GRIK2: variants seen among roughly 807,000 people sequenced by gnomAD.
GRIK2 encodes glutamate ionotropic receptor kainate type subunit 2, also known as glutamate receptor ionotropic, kainate 2.
In GRIK2, 32 loss-of-function variants were observed where a neutral mutation model predicts 100.3. That is an observed-to-expected ratio of 0.32 (90% CI 0.24 to 0.43). GRIK2 has a LOEUF of 0.43. Among genes scored for constraint, GRIK2 ranks in the 20% least tolerant of loss-of-function variants. The probability of loss-of-function intolerance (pLI) is 1.00; values close to 1 mark genes in which losing one functional copy is unlikely to be tolerated. For synonymous variants in GRIK2, 417 were observed against 389.4 expected (o/e 1.07, Z -0.83); for missense variants, 843 against 1,114.9 (o/e 0.76, Z 3.47).
Position 101,978,701 on chromosome 6 carries a change from CAAT to C in GRIK2, c.2085+50070_2085+50072del, listed in dbSNP as rs567185927. 2.0e-3 allele frequency among the ~76,000 whole-genome samples: 305 copies of C among 151,956 alleles called. 3 individuals are homozygous for C. Among genetic ancestry groups the C allele is most frequent in the African/African-American group, 6.9e-3 (286 of 41,464 alleles). On this transcript the variant is annotated intron_variant, in intron 14 of 16. Coordinates refer to ENST00000369134, the MANE Select transcript of GRIK2 (RefSeq NM_021956.5). Reference sequence around the variant, plus strand: ...ATTATGAAAAAGTAGTTGAATTAAACAATGTCAGTGGGTTATAAATAATAATTG... The same window carrying C: ...ATTATGAAAAAGTAGTTGAATTAAACGTCAGTGGGTTATAAATAATAATTG...
intron 14 of GRIK2, among the ~76,000 whole-genome samples, chr6:101,979,469 G>A (rs918348710): frequency 6.6e-6 from 1 of 152,010 alleles, no homozygotes; most frequent in African/African-American, 2.4e-5. Flanking sequence ...AATGTTCACA[G>A]AAGAGATTGA....
intron 14 of GRIK2, among the ~76,000 whole-genome samples, chr6:102,030,887 T>G (rs1769949485): frequency 6.6e-6 from 1 of 151,086 alleles, no homozygotes; most frequent in South Asian, 2.1e-4. Flanking sequence ...TCTAACTTCA[T>G]ATTACAGATC....
chr6:101,844,111 T>G (rs1466903878), intron 10 of GRIK2, among the ~76,000 whole-genome samples: 1 of 152,096 alleles, frequency 6.6e-6, no homozygotes, highest in African/African-American at 2.4e-5. Context: ...AAAAAGAAAG[T>G]AAAGGCAGAC....
chr6:101,771,883 A>G (rs1583115796), intron 7 of GRIK2, among the ~76,000 whole-genome samples: 1 of 151,992 alleles, frequency 6.6e-6, no homozygotes, highest in African/African-American at 2.4e-5. Flanking sequence ...TTATGGCTGC[A>G]TAGTATTCCA....
chr6:101,498,598 T>C (rs1773578674), intron 2 of GRIK2, among the ~76,000 whole-genome samples: 1 of 151,128 alleles, frequency 6.6e-6, no homozygotes, highest in Non-Finnish European at 1.5e-5. Context: ...TGGTTTTGAT[T>C]TGCATTTCTC....
At chr6:101,686,854 T>G (rs1205686573) in intron 7 of GRIK2, among the ~76,000 whole-genome samples, 1 of 152,120 alleles carries the variant, frequency 6.6e-6, no homozygotes, top group Non-Finnish European at 1.5e-5. Flanking sequence ...AGTCCCAGTT[T>G]AAACCCAGAA....
At chr6:101,922,873 T>C (rs1031931548) in intron 12 of GRIK2, among the ~76,000 whole-genome samples, 1 of 152,226 alleles carries the variant, frequency 6.6e-6, no homozygotes, top group African/African-American at 2.4e-5. Flanking sequence ...CAACATTCTG[T>C]TACTTGGAAA....
At chr6:101,441,064 G>A (rs745601314) in intron 2 of GRIK2, among the ~76,000 whole-genome samples, 1 of 151,152 alleles carries the variant, frequency 6.6e-6, no homozygotes, top group Admixed American at 6.6e-5. Flanking sequence ...TGCAGCCTTG[G>A]TCTTCTGGGC....
chr6:101,822,757 A>G (rs1260070293), intron 10 of GRIK2, among the ~76,000 whole-genome samples: 1 of 151,628 alleles, frequency 6.6e-6, no homozygotes, highest in Non-Finnish European at 1.5e-5. Flanking sequence ...TCTTTTTTTT[A>G]GGTTAGAAAG....
At chr6:101,743,235 G>C (rs1776161248) in intron 7 of GRIK2, among the ~76,000 whole-genome samples, 1 of 152,006 alleles carries the variant, frequency 6.6e-6, no homozygotes, top group Admixed American at 6.5e-5. Context: ...TTAAACAATC[G>C]TTACCATGGT....
intron 12 of GRIK2, among the ~76,000 whole-genome samples, chr6:101,920,120 C>A (rs1040628346): frequency 6.6e-6 from 1 of 151,718 alleles, no homozygotes; most frequent in African/African-American, 2.4e-5. Context: ...GTGAAGAAAC[C>A]AGGCTGTGAT....
At chr6:101,617,572 T>G (rs1779951011) in intron 2 of GRIK2, among the ~76,000 whole-genome samples, 2 of 151,818 alleles carry the variant, frequency 1.3e-5, no homozygotes, top group Non-Finnish European at 2.9e-5. Context: ...GGTAGAAGAT[T>G]CAGACACTCA....
At chr6:102,057,256 G>A (rs1771509326) in intron 16 of GRIK2, among the ~76,000 whole-genome samples, 1 of 151,886 alleles carries the variant, frequency 6.6e-6, no homozygotes, top group African/African-American at 2.4e-5. Context: ...CAGTATTAAA[G>A]TAAAACGAAT....
At chr6:102,023,368 A>C (rs1356634550) in intron 14 of GRIK2, among the ~76,000 whole-genome samples, 1 of 151,498 alleles carries the variant, frequency 6.6e-6, no homozygotes, top group Non-Finnish European at 1.5e-5. Flanking sequence ...ATAATTATAT[A>C]AGATTCCTGT....
intron 15 of GRIK2, among the ~76,000 whole-genome samples, chr6:102,038,829 G>C (rs1770417339): frequency 6.6e-6 from 1 of 151,194 alleles, no homozygotes. Flanking sequence ...ATATATTCAG[G>C]AGCTATAATC....
At chr6:101,807,651 G>A (rs1056580849) in intron 9 of GRIK2, among the ~76,000 whole-genome samples, 3 of 151,946 alleles carry the variant, frequency 2.0e-5, no homozygotes, top group East Asian at 3.9e-4. Context: ...ACAAAGCAGG[G>A]CACCTAGATA....
chr6:101,970,124 C>T (rs900435193), intron 14 of GRIK2, among the ~76,000 whole-genome samples: 3 of 151,794 alleles, frequency 2.0e-5, no homozygotes, highest in African/African-American at 7.3e-5. Context: ...AGAGATTTTC[C>T]TCAATAAAAA....
chr6:101,951,495 G>A (rs2782905), intron 14 of GRIK2, among the ~76,000 whole-genome samples: 132,305 of 152,222 alleles, frequency 0.87, 57,551 homozygotes, highest in East Asian at 0.94. Flanking sequence ...TTTTGCTTTA[G>A]GTGTAGGTTC....
At chr6:101,662,806 C>T (rs1325073767) in intron 4 of GRIK2, among the ~76,000 whole-genome samples, 2 of 152,048 alleles carry the variant, frequency 1.3e-5, no homozygotes, top group African/African-American at 4.8e-5. Context: ...TGTCTCACCA[C>T]CACCACCCTA....
Sources: gnomAD v4.1 joint callset for allele counts (sites outside exome capture counted in the v4.1 genomes callset) on GRCh38, gnomAD v4.1.1 for gene constraint, MANE v1.5 for transcripts, NCBI Gene and HGNC (gene_info 2026-07-23, HGNC 2026-07-21) for gene names.